Variants in WASHC2C observed in about 807,000 individuals in gnomAD.
WASHC2C encodes Vaccinia Penetration Factor.
Under a neutral mutation model 142.2 loss-of-function variants are expected in WASHC2C, and 73 were observed. The observed-to-expected ratio is 0.51, with a 90% confidence interval of 0.43 to 0.62. The LOEUF (loss-of-function observed/expected upper bound fraction) is 0.62. WASHC2C is among the 20% of genes least tolerant of loss of function. The pLI is 0.00. For synonymous variants in WASHC2C, 337 were observed against 565.5 expected, an observed-to-expected ratio of 0.60 and a Z score of 5.73; for missense variants, 969 against 1,531.7, an observed-to-expected ratio of 0.63 and a Z score of 6.13.
intron 18 of WASHC2C, among the ~76,000 whole-genome samples, chr10:45,764,235 C>T (rs2055502628): frequency 6.7e-6 from 1 of 149,420 alleles, no homozygotes; most frequent in Non-Finnish European, 1.5e-5. Context: ...AGTATAATAT[C>T]TATTTATATA....
intron 19 of WASHC2C, among the ~76,000 whole-genome samples, chr10:45,767,005 G>T (rs1428184360): frequency 6.6e-6 from 1 of 152,078 alleles, no homozygotes; most frequent in Middle Eastern, 3.2e-3. Flanking sequence ...GGTAGCTCAC[G>T]TCTGTAATCC....
At chr10:45,785,681 A>G (rs2057986265) in intron 26 of WASHC2C, 50 bp downstream of exon 26, 12 of 1,611,258 alleles carry the variant, frequency 7.4e-6, no homozygotes, top group Non-Finnish European at 1.0e-5. Context: ...ATCCCAGTAC[A>G]GAGAAATTCC....
Position 45,792,067 on chromosome 10 carries a change from C to G in WASHC2C, c.3887-194C>G, listed in dbSNP as rs2058427101. On this transcript the variant is annotated intron_variant, in intron 30 of 30. Transcript: ENST00000623400. ...TGAAGAAATTGTGCTCCAAGAGAAA[C>G]CTGTGTGTGATCATAAAATTTAATG... Among the ~76,000 whole-genome samples, 3 of 143,830 alleles carry G rather than the reference C, an allele frequency of 2.1e-5. 1 individual carries two copies. Among genetic ancestry groups the G allele is most frequent in the Non-Finnish European group, 4.6e-5 (3 of 65,062 alleles). The allele number at this position is 143,830 out of a possible 152,430, so 94.4% of individuals were successfully genotyped here.
At chr10:45,732,571 A>C (rs2597055) in intron 3 of WASHC2C, among the ~76,000 whole-genome samples, 2 of 152,116 alleles carry the variant, frequency 1.3e-5, no homozygotes, top group Non-Finnish European at 2.9e-5. Flanking sequence ...CAATTGTTTC[A>C]AAATCTTAGC....
At chr10:45,773,555 G>A (rs111960322) in intron 21 of WASHC2C, among the ~76,000 whole-genome samples, 197 bp downstream of exon 21, 20,238 of 150,342 alleles carry the variant, frequency 0.13, 308 homozygotes, top group Admixed American at 0.19. Flanking sequence ...CCATCATTCA[G>A]TGTCAGGTGT....
intron 6 of WASHC2C, among the ~76,000 whole-genome samples, chr10:45,743,958 A>G (rs2052473675): frequency 6.6e-6 from 1 of 151,386 alleles, no homozygotes; most frequent in African/African-American, 2.4e-5. Flanking sequence ...CATATTGTCC[A>G]GGCTGGTCTC....
intron 13 of WASHC2C, among the ~76,000 whole-genome samples, chr10:45,753,441 C>T (rs1293112167): frequency 3.5e-5 from 5 of 141,242 alleles, no homozygotes; most frequent in Non-Finnish European, 7.6e-5. Flanking sequence ...ACCCATACCA[C>T]AGTCTTGCCT....
At position 45,728,969 on chromosome 10, in the gene WASHC2C, C is replaced by A; in HGVS notation, c.234C>A (p.Arg78=). The change falls in exon 3 of 31, where the codon CGC becomes CGA. Residue 78 remains arginine, a synonymous_variant. Transcript: ENST00000623400. ...LIRETKATDC[R]LHNVFNDFLM... is the part of the protein sequence containing the mutation. ...GGGAAACCAAAGCCACAGATTGTCG[C>A]CTGCATAATGTCTTCAATGACTTCC... The A allele has an allele frequency of 1.9e-6, 3 of 1,613,942 alleles. No individual in the cohort carries two copies. Among genetic ancestry groups the A allele is most frequent in the Non-Finnish European group, 2.5e-6 (3 of 1,179,860 alleles).
At chr10:45,738,249 G>A (rs1554865724) in intron 4 of WASHC2C, among the ~76,000 whole-genome samples, 1 of 151,962 alleles carries the variant, frequency 6.6e-6, no homozygotes, top group East Asian at 1.9e-4. Context: ...CTTGAATTCT[G>A]ATATAAGAAT....
chr10:45,773,853 C>G (rs1287161351), intron 21 of WASHC2C, among the ~76,000 whole-genome samples: 3 of 117,610 alleles, frequency 2.6e-5, no homozygotes, highest in Non-Finnish European at 5.1e-5. Flanking sequence ...AAAAAAAACC[C>G]AGGGTGGAGC....
chr10:45,743,544 T>A, intron 6 of WASHC2C, 61 bp downstream of exon 6: 1 of 1,579,512 alleles, frequency 6.3e-7, no homozygotes, highest in Non-Finnish European at 8.6e-7. Flanking sequence ...TAAAATAATT[T>A]CAAATTTTAC....
chr10:45,746,522 A>G (rs2052854566), intron 7 of WASHC2C, 78 bp from the exon 8 acceptor site: 3 of 1,529,982 alleles, frequency 2.0e-6, no homozygotes, highest in Admixed American at 1.7e-5. Flanking sequence ...AGCCTGCCCC[A>G]GAGACTTAGA....
chr10:45,784,280 A>G (rs2057808770), intron 23 of WASHC2C, among the ~76,000 whole-genome samples: 1 of 7,250 alleles, frequency 1.4e-4, no homozygotes, highest in Non-Finnish European at 3.9e-4. Flanking sequence ...ATATATATAT[A>G]TATATATATA....
chr10:45,752,667 C>G lies in WASHC2C; in HGVS notation c.1083C>G (p.Phe361Leu), dbSNP rs782007849. The G allele has an allele frequency of 9.3e-6, 15 of 1,609,420 alleles. No homozygotes were observed. In the East Asian group the frequency reaches 2.9e-4, roughly 31 times the overall value. The change falls in exon 12 of 31, where the codon TTC (phenylalanine) becomes TTG (leucine). Residue 361 changes from phenylalanine (F) to leucine (L), a missense_variant. Coordinates refer to ENST00000623400, the MANE Select transcript of WASHC2C (RefSeq NM_001330074.2). ...FSPFGSGGGL[F>L]SGGKGLFDDE... Reference sequence around the variant, plus strand: ...CATTTGGCTCTGGAGGTGGCCTGTTCAGTGGCGGCAAGGGGCTATTTGATG... The same window carrying G: ...CATTTGGCTCTGGAGGTGGCCTGTTGAGTGGCGGCAAGGGGCTATTTGATG...
Position 45,789,380 on chromosome 10 carries a change from TC to T in WASHC2C, c.3599del (p.Pro1200LeufsTer30), listed in dbSNP as rs1589976132. 1.2e-6 allele frequency: 2 copies of T among 1,611,946 alleles called. No homozygotes were observed. The highest frequency in any genetic ancestry group is 4.5e-5 in the East Asian group (2 of 44,884). On this transcript the variant is annotated frameshift_variant, in exon 29 of 31. Coordinates refer to ENST00000623400, the MANE Select transcript of WASHC2C (RefSeq NM_001330074.2). LOFTEE classifies it high-confidence loss of function. Reference protein sequence around the residue: ...PKPAKKTNPFPLLEDEDDLFT... With the variant: ...PKPAKKTNPFXLLEDEDDLFT... ...AACCAGCAAAGAAAACAAATCCCTT[TC>T]CTCTCCTGGAAGATGAGGATGACCT...
rs537795238 is a variant in WASHC2C, at chr10:45,750,875, A to G, written c.931+37A>G. The G allele has an allele frequency of 8.2e-4, 1,257 of 1,530,594 alleles. 11 individuals are homozygous for G. In the African/African-American group the frequency reaches 9.7e-3, roughly 12 times the overall value. The allele number at this position is 1,530,594 out of a possible 1,614,324, so 94.8% of individuals were successfully genotyped here. A position where few individuals can be genotyped will look rare whatever the true frequency, so the allele number is the denominator to read the frequency against. On this transcript the variant is annotated intron_variant, in intron 10 of 30. Coordinates refer to ENST00000623400, the MANE Select transcript of WASHC2C (RefSeq NM_001330074.2). Reference sequence around the variant, plus strand: ...CCACGTTGATGGGGAGTAGGGGAGGAGTAGTGCAGGGCCCTCTGCTGGCTT... The same window carrying G: ...CCACGTTGATGGGGAGTAGGGGAGGGGTAGTGCAGGGCCCTCTGCTGGCTT...
chr10:45,785,031 A>T, intron 25 of WASHC2C, 130 bp downstream of exon 25: 1 of 1,597,192 alleles, frequency 6.3e-7, no homozygotes, highest in Non-Finnish European at 8.6e-7. Flanking sequence ...AATGGCAAAT[A>T]ACATGCCGAG....
intron 18 of WASHC2C, among the ~76,000 whole-genome samples, chr10:45,763,944 C>A (rs1474079404): frequency 6.6e-6 from 1 of 152,104 alleles, no homozygotes; most frequent in African/African-American, 2.4e-5. Flanking sequence ...TCAGGTGATC[C>A]GCCTGCCTCG....
At chr10:45,749,357 C>T (rs1190076944) in intron 8 of WASHC2C, among the ~76,000 whole-genome samples, 1 of 150,244 alleles carries the variant, frequency 6.7e-6, no homozygotes, top group Non-Finnish European at 1.5e-5. Context: ...ATGGCTTGAA[C>T]CTAGGAGGCG....
Sources: allele counts gnomAD v4.1 joint callset (sites outside exome capture counted in the v4.1 genomes callset), GRCh38; gene constraint gnomAD v4.1.1; transcripts MANE v1.5; gene names NCBI Gene and HGNC (gene_info 2026-07-23, HGNC 2026-07-21).